Variants in SEC24B observed in about 807,000 individuals in gnomAD.
SEC24B encodes SEC24 homolog B, COPII component.
SEC24B carries 45 observed loss-of-function variants against 142.8 expected under a neutral mutation model. The observed-to-expected ratio is 0.32, with a 90% CI of 0.25 to 0.40. SEC24B has a LOEUF of 0.40. SEC24B is among the 10% of genes least tolerant of loss of function. The probability of loss-of-function intolerance (pLI) is 1.00; values close to 1 mark genes in which losing one functional copy is unlikely to be tolerated. For synonymous variants in SEC24B, 574 were observed against 568.2 expected (o/e 1.01, Z -0.15); for missense variants, 1,409 against 1,526.8 (o/e 0.92, Z 1.29).
intron 6 of SEC24B, among the ~76,000 whole-genome samples, chr4:109,504,065 T>G (rs1429159431): frequency 6.6e-6 from 1 of 152,160 alleles, no homozygotes; most frequent in Non-Finnish European, 1.5e-5. Flanking sequence ...TATTATCCAG[T>G]CATTTTTTTC....
At position 109,463,049 on chromosome 4, in the gene SEC24B, C is replaced by G. The variant is rs767147558; in HGVS notation, c.282C>G (p.Leu94=). 4.8e-5 allele frequency: 78 copies of G among 1,614,048 alleles called. No individual in the cohort carries two copies. The highest frequency in any genetic ancestry group is 6.4e-5 in the Non-Finnish European group (75 of 1,180,024). ...DTQCGDYYSA[L]YTVPTQNVTP... is the part of the protein sequence containing the mutation. ...AGTGTGGTGATTACTACTCTGCTCTCTATACAGTACCAACACAAAATGTGA... is the reference window on the plus strand; with the variant it reads ...AGTGTGGTGATTACTACTCTGCTCTGTATACAGTACCAACACAAAATGTGA... Residue 94 remains leucine (L), a synonymous_variant, in exon 2 of 24, where the codon CTC becomes CTG. Transcript: ENST00000265175.
chr4:109,481,760 G>A lies in SEC24B; in HGVS notation c.1144G>A (p.Glu382Lys). 6.2e-7 allele frequency: 1 copy of A among 1,613,630 alleles called. No homozygotes were observed. Among genetic ancestry groups the A allele is most frequent in the Non-Finnish European group, 8.5e-7 (1 of 1,179,648 alleles). ...LSSTSDDEEE[E>K]EEDEEAGVDS... Reference sequence around the variant, plus strand: ...ATCAACTTCCGATGATGAGGAAGAGGAGGAGGAGGATGAGGAAGCAGGTCT... The same window carrying A: ...ATCAACTTCCGATGATGAGGAAGAGAAGGAGGAGGATGAGGAAGCAGGTCT... The change falls in exon 4 of 24, where the codon GAG becomes AAG. Residue 382 changes from glutamate to lysine, a missense_variant. Around this residue, in one of 2 missense-constraint regions of SEC24B, gnomAD observed 709 missense variants for 673.5 expected, o/e 1.05. Coordinates refer to ENST00000265175, the MANE Select transcript of SEC24B (RefSeq NM_006323.5).
intron 13 of SEC24B, 27 bp downstream of exon 13, chr4:109,521,199 A>G: frequency 7.3e-7 from 1 of 1,365,150 alleles, no homozygotes; most frequent in East Asian, 2.3e-5. Flanking sequence ...TTCTTAAAGC[A>G]TAAAAATATT....
rs1411029696 is a variant in SEC24B at position 109,540,525 on chromosome 4, C to T, written c.*850C>T. 1 of 152,038 alleles carries T rather than the reference C, an allele frequency of 6.6e-6. No individual in the cohort carries two copies. The highest frequency in any genetic ancestry group is 1.5e-5 in the Non-Finnish European group (1 of 68,004). 9.4% of individuals were successfully genotyped at this position (152,038 alleles called of 1,614,324 possible). On this transcript the variant is annotated 3_prime_UTR_variant, in exon 24 of 24. Transcript: ENST00000265175. The stretch of plus-strand genomic sequence containing the variant: ...TTGTGGGGATTGGTGGGTTTTTTTA[C>T]ATACAGGATGTATTGAATTTACTAA...
At chr4:109,533,823 A>T in intron 22 of SEC24B, 138 bp downstream of exon 22, 7 of 645,802 alleles carry the variant, frequency 1.1e-5, no homozygotes, top group Non-Finnish European at 1.4e-5. Flanking sequence ...AGCCATTACC[A>T]CTATTTAGTT....
chr4:109,531,491 A>G lies in SEC24B; in HGVS notation c.3359A>G (p.Asn1120Ser), dbSNP rs1328026251. ...LVHLMKMIHP[N>S]LYRIDRLTDE... is the part of the protein sequence containing the mutation. ...CATCTAATGAAAATGATTCATCCCA[A>G]CTTATACAGGATAGACAGATTGACA... The change falls in exon 20 of 24, where the codon AAC becomes AGC. Residue 1120 changes from asparagine to serine, a missense_variant. By Grantham distance (46) the Asn-to-Ser change is conservative (BLOSUM62 1). Around this residue, in one of 2 missense-constraint regions of SEC24B, gnomAD observed 700 missense variants for 853.3 expected, o/e 0.82. Transcript: ENST00000265175. 2.5e-6 allele frequency: 4 copies of G among 1,610,774 alleles called. No homozygotes were observed. Among genetic ancestry groups the G allele is most frequent in the African/African-American group, 1.3e-5 (1 of 74,994 alleles).
intron 1 of SEC24B, among the ~76,000 whole-genome samples, chr4:109,456,007 A>G (rs1222877178): frequency 6.6e-6 from 1 of 152,234 alleles, no homozygotes; most frequent in East Asian, 1.9e-4. Context: ...CTTCTAATCC[A>G]TGAACACAGT....
intron 4 of SEC24B, among the ~76,000 whole-genome samples, chr4:109,486,733 C>T (rs1395022548): frequency 1.3e-5 from 2 of 152,200 alleles, no homozygotes; most frequent in African/African-American, 4.8e-5. Context: ...GCCATTGATT[C>T]AGTGGAAACC....
At chr4:109,471,825 C>G (rs1732553685) in intron 2 of SEC24B, among the ~76,000 whole-genome samples, 1 of 152,110 alleles carries the variant, frequency 6.6e-6, no homozygotes, top group Non-Finnish European at 1.5e-5. Context: ...TGCAGTGTCC[C>G]TCGAGACTTG....
intron 7 of SEC24B, among the ~76,000 whole-genome samples, chr4:109,509,331 T>A (rs966145371): frequency 6.6e-6 from 1 of 152,222 alleles, no homozygotes; most frequent in African/African-American, 2.4e-5. Context: ...TGCTTTTTAC[T>A]GCTTTGGCAT....
chr4:109,488,443 C>T (rs1034176509), intron 4 of SEC24B, among the ~76,000 whole-genome samples: 14 of 152,088 alleles, frequency 9.2e-5, no homozygotes, highest in Non-Finnish European at 1.9e-4. Context: ...TATGTCAGTA[C>T]TTTATTATTT....
chr4:109,487,514 C>T (rs1192678264), intron 4 of SEC24B, among the ~76,000 whole-genome samples: 1 of 152,208 alleles, frequency 6.6e-6, no homozygotes, highest in Non-Finnish European at 1.5e-5. Flanking sequence ...AAGGCATTTA[C>T]ACCTTATTCA....
At chr4:109,466,612 A>G (rs572197041) in intron 2 of SEC24B, among the ~76,000 whole-genome samples, 17 of 152,238 alleles carry the variant, frequency 1.1e-4, no homozygotes, top group South Asian at 2.1e-4. Context: ...GGGTTTCACC[A>G]TGTTGGCCAG....
intron 9 of SEC24B, among the ~76,000 whole-genome samples, chr4:109,512,887 C>T (rs997186877): frequency 2.6e-5 from 4 of 151,498 alleles, no homozygotes; most frequent in African/African-American, 4.9e-5. Flanking sequence ...ATCCTGAACT[C>T]CTGGGCTCAA....
chr4:109,467,183 G>A (rs927119212), intron 2 of SEC24B, among the ~76,000 whole-genome samples: 2 of 151,364 alleles, frequency 1.3e-5, no homozygotes, highest in Non-Finnish European at 2.9e-5. Flanking sequence ...AAAATTAGCC[G>A]GGCGTGGTAG....
chr4:109,447,167 G>T (rs1022664825), intron 1 of SEC24B, among the ~76,000 whole-genome samples: 1 of 152,068 alleles, frequency 6.6e-6, no homozygotes, highest in East Asian at 1.9e-4. Flanking sequence ...CATATACAGG[G>T]AAAAGCCTAT....
intron 2 of SEC24B, among the ~76,000 whole-genome samples, chr4:109,466,312 T>C (rs1731854125): frequency 6.6e-6 from 1 of 152,232 alleles, no homozygotes; most frequent in African/African-American, 2.4e-5. Flanking sequence ...ATACTGAGTT[T>C]AATGTTCTAG....
intron 4 of SEC24B, among the ~76,000 whole-genome samples, chr4:109,483,756 T>C (rs1371143126): frequency 6.6e-6 from 1 of 152,226 alleles, no homozygotes; most frequent in Admixed American, 6.5e-5. Context: ...TTTCTTACTC[T>C]AAATACGTAA....
At chr4:109,532,559 TAA>T in intron 20 of SEC24B, 78 bp from the exon 21 acceptor site, 2 of 990,932 alleles carry the variant, frequency 2.0e-6, no homozygotes, top group Non-Finnish European at 3.2e-6. Context: ...CAATGCTTCA[TAA>T]AGGGTTAGTG....
Sources: allele counts gnomAD v4.1 joint callset (sites outside exome capture counted in the v4.1 genomes callset), GRCh38; gene constraint gnomAD v4.1.1; regional missense constraint gnomAD v4.1.1; transcripts MANE v1.5; gene names NCBI Gene and HGNC (gene_info 2026-07-23, HGNC 2026-07-21).